TNS1: variants seen among roughly 807,000 people sequenced by gnomAD.
The protein encoded by TNS1 is tensin-1.
In TNS1, 62 loss-of-function variants were observed where a neutral mutation model predicts 168.6. That is an observed-to-expected ratio of 0.37 (90% CI 0.30 to 0.45). The LOEUF (loss-of-function observed/expected upper bound fraction) is 0.45, where lower values mean the gene tolerates loss of function less well. Among genes scored for constraint, TNS1 ranks in the 20% least tolerant of loss-of-function variants. TNS1 has a pLI of 1.00. For synonymous variants in TNS1, 934 were observed against 933.2 expected, an observed-to-expected ratio of 1.00 and a Z score of -0.02; for missense variants, 2,240 against 2,339.4, an observed-to-expected ratio of 0.96 and a Z score of 0.88.
rs1319764025 is a variant in TNS1 at position 217,804,094 on chromosome 2, C to CA, written c.*364dup. 6 of 173,234 alleles carry CA rather than the reference C, an allele frequency of 3.5e-5. No individual in the cohort carries two copies. The East Asian group carries it at 9.5e-4, about 27-fold the overall frequency. 10.7% of individuals were successfully genotyped at this position (173,234 alleles called of 1,614,324 possible). A position where few individuals can be genotyped will look rare whatever the true frequency, so the allele number is the denominator to read the frequency against. On this transcript the variant is annotated 3_prime_UTR_variant, in exon 33 of 33. Transcript: ENST00000682258. ...GGGAGACAGAGCTTTTCCATTCCCCCAAAAAATGTGGATTCCCAAGGAGGT... is the reference window on the plus strand; with the variant it reads ...GGGAGACAGAGCTTTTCCATTCCCCCAAAAAAATGTGGATTCCCAAGGAGGT...
chr2:217,942,918 C>T (rs1275092722), intron 3 of TNS1, among the ~76,000 whole-genome samples: 3 of 152,194 alleles, frequency 2.0e-5, no homozygotes, highest in Non-Finnish European at 4.4e-5. Context: ...CCAGTTTCCT[C>T]TTCTAGAACA....
chr2:217,877,897 G>GC (rs1360120419), intron 18 of TNS1, among the ~76,000 whole-genome samples: 1 of 152,130 alleles, frequency 6.6e-6, no homozygotes, highest in Non-Finnish European at 1.5e-5. Context: ...GGTGCTCCCT[G>GC]CCCCCCTCCT....
chr2:217,892,381 C>T (rs966892093), intron 11 of TNS1, among the ~76,000 whole-genome samples: 5 of 152,254 alleles, frequency 3.3e-5, no homozygotes, highest in Admixed American at 6.5e-5. Context: ...GGATTACAGG[C>T]GTGAGCCACT....
At chr2:217,953,298 G>A (rs942296062) in intron 3 of TNS1, among the ~76,000 whole-genome samples, 7 of 152,310 alleles carry the variant, frequency 4.6e-5, no homozygotes, top group Admixed American at 1.3e-4. Flanking sequence ...CCCGCCCTCT[G>A]GGTGCTCCTC....
At chr2:217,969,175 T>A (rs1957719645) in intron 3 of TNS1, among the ~76,000 whole-genome samples, 1 of 152,176 alleles carries the variant, frequency 6.6e-6, no homozygotes, top group Non-Finnish European at 1.5e-5. Flanking sequence ...AATTCACACT[T>A]CCCAATTTTG....
intron 2 of TNS1, among the ~76,000 whole-genome samples, chr2:217,990,324 A>C: frequency 9.1e-6 from 1 of 110,486 alleles, no homozygotes; most frequent in Admixed American, 9.9e-5. Context: ...CCTGACCACG[A>C]CCTCCACATG....
intron 1 of TNS1, among the ~76,000 whole-genome samples, chr2:218,024,232 A>G (rs1038839646): frequency 1.3e-5 from 2 of 152,154 alleles, no homozygotes; most frequent in Non-Finnish European, 2.9e-5. Context: ...CCTTGGGGAC[A>G]TAGTGTGGAG....
chr2:217,908,287 T>C (rs1034803524), intron 4 of TNS1, among the ~76,000 whole-genome samples: 1 of 152,098 alleles, frequency 6.6e-6, no homozygotes, highest in Non-Finnish European at 1.5e-5. Context: ...TTTCTCCCCA[T>C]AGCAAGAAGA....
At chr2:217,987,913 G>A (rs1463812705) in intron 2 of TNS1, among the ~76,000 whole-genome samples, 1 of 152,172 alleles carries the variant, frequency 6.6e-6, no homozygotes, top group Non-Finnish European at 1.5e-5. Flanking sequence ...TCAACCTCAT[G>A]CCATCATGAG....
intron 28 of TNS1, among the ~76,000 whole-genome samples, chr2:217,810,995 T>C (rs112464968): frequency 3.9e-4 from 59 of 152,132 alleles, no homozygotes; most frequent in African/African-American, 1.4e-3. Context: ...TATCCCACAT[T>C]AGCCTCCAGC....
chr2:217,987,978 ACCCAGTAGCCCCAGCCTCCT>A (rs1958244370), intron 2 of TNS1, among the ~76,000 whole-genome samples: 1 of 152,118 alleles, frequency 6.6e-6, no homozygotes, highest in Non-Finnish European at 1.5e-5. Context: ...CCACCAGTGA[ACCCAGTAGCCCCAGCCTCCT>A]CCCAGGCCTG....
At chr2:217,830,214 C>T (rs1944215683) in intron 22 of TNS1, among the ~76,000 whole-genome samples, 1 of 152,134 alleles carries the variant, frequency 6.6e-6, no homozygotes, top group Non-Finnish European at 1.5e-5. Flanking sequence ...AAGTGTCAAG[C>T]AGGAGTGTGC....
At chr2:217,889,609 T>A (rs761728691) in intron 12 of TNS1, among the ~76,000 whole-genome samples, 4 of 152,246 alleles carry the variant, frequency 2.6e-5, no homozygotes, top group Non-Finnish European at 5.9e-5. Context: ...TCCATTTGAA[T>A]CAGCCCTCTT....
intron 1 of TNS1, among the ~76,000 whole-genome samples, chr2:218,000,994 A>C (rs1958552805): frequency 6.6e-6 from 1 of 152,124 alleles, no homozygotes; most frequent in Admixed American, 6.5e-5. Context: ...TCTACTAAAA[A>C]TATAAAAAAT....
rs1937466988 is a variant in TNS1 at position 217,801,386 on chromosome 2, C to T, written c.*3073G>A. 1 of 152,308 alleles carries T rather than the reference C, an allele frequency of 6.6e-6. No homozygotes were observed. Among genetic ancestry groups the T allele is most frequent in the African/African-American group, 2.4e-5 (1 of 41,462 alleles). 9.4% of individuals were successfully genotyped at this position (152,308 alleles called of 1,614,324 possible). On this transcript the variant is annotated 3_prime_UTR_variant, in exon 33 of 33. Transcript: ENST00000682258. ...ACATGACCCTCCTCTGCCCTCTTCC[C>T]TCCAGACACCCAGCTGGACAGCTGG...
intron 12 of TNS1, among the ~76,000 whole-genome samples, chr2:217,889,062 C>T (rs1277926844): frequency 6.6e-6 from 1 of 152,226 alleles, no homozygotes; most frequent in African/African-American, 2.4e-5. Context: ...AGCAGACACA[C>T]ATGGCAAGCC....
chr2:217,967,849 A>G (rs1488163223), intron 3 of TNS1, among the ~76,000 whole-genome samples: 2 of 152,226 alleles, frequency 1.3e-5, no homozygotes, highest in Non-Finnish European at 2.9e-5. Flanking sequence ...CAAAGGAAAA[A>G]GAAAACTACC....
intron 1 of TNS1, among the ~76,000 whole-genome samples, chr2:217,994,907 C>T (rs1958441059): frequency 6.6e-6 from 1 of 152,252 alleles, no homozygotes; most frequent in Admixed American, 6.5e-5. Context: ...GTCTGGAGAA[C>T]TGCCTTCTAG....
At chr2:217,982,923 T>C (rs1476420024) in intron 2 of TNS1, among the ~76,000 whole-genome samples, 1 of 152,150 alleles carries the variant, frequency 6.6e-6, no homozygotes, top group Non-Finnish European at 1.5e-5. Context: ...TAATTAGTCA[T>C]TGTGTCCCAG....
Sources: allele counts gnomAD v4.1 joint callset (sites outside exome capture counted in the v4.1 genomes callset), GRCh38; gene constraint gnomAD v4.1.1; transcripts MANE v1.5; gene names NCBI Gene and HGNC (gene_info 2026-07-23, HGNC 2026-07-21).